NBPF20: variants seen among roughly 807,000 people sequenced by gnomAD.
The protein encoded by NBPF20 is NBPF family member NBPF20.
Under a neutral mutation model 68.1 loss-of-function variants are expected in NBPF20, and 90 were observed. The observed-to-expected ratio is 1.32, with a 90% CI of 1.11 to 1.58. The LOEUF (loss-of-function observed/expected upper bound fraction) is 1.58. Among genes scored for constraint, NBPF20 ranks in the 40% most tolerant of loss-of-function variants. The pLI, the probability that NBPF20 is intolerant of heterozygous loss-of-function variation, is 0.00. For missense variants in NBPF20, 816 were observed against 601.2 expected, an observed-to-expected ratio of 1.36 and a Z score of -3.74; for synonymous variants, 290 against 228.1, an observed-to-expected ratio of 1.27 and a Z score of -2.45.
chr1:145,292,244 T>A (rs188901679), intron 137 of NBPF20, 137 bp downstream of exon 142: 1 of 656,916 alleles, frequency 1.5e-6, no homozygotes, highest in Non-Finnish European at 2.7e-6. Context: ...TCTACTGCAA[T>A]GAAAACCAAC....
At chr1:145,311,035 A>C (rs1661464032) in intron 113 of NBPF20, among the ~76,000 whole-genome samples, 1 of 86,610 alleles carries the variant, frequency 1.2e-5, no homozygotes, top group Non-Finnish European at 2.2e-5. Context: ...AGAGGGAGGG[A>C]GAGAGAGAGA....
At chr1:145,419,717 C>A in the NBPF20 span, among the ~76,000 whole-genome samples, 6 of 152,106 alleles carry the variant, frequency 3.9e-5, no homozygotes, top group African/African-American at 1.5e-4. Context: ...CCCTTTCTTT[C>A]TCCCCCTCTC....
In NBPF20 at chr1:145,394,974, T is replaced by C. The variant is rs1308765181; in HGVS notation, c.991+4A>G. On this transcript the variant is annotated splice_donor_region_variant and intron_variant, in intron 8 of 137. Transcript: ENST00000369373. ...CTTTATCACCTTCACAGTGTAGTAC[T>C]CACTGCCTATGTCAACAGCCATGCA... 2 of 1,611,884 alleles carry C rather than the reference T, an allele frequency of 1.2e-6. No individual in the cohort carries two copies. The highest frequency in any genetic ancestry group is 4.5e-5 in the East Asian group (2 of 44,896).
chr1:145,291,968 G>A (rs369703623), intron 137 of NBPF20, among the ~76,000 whole-genome samples, 199 bp from the exon 143 acceptor site: 1 of 150,632 alleles, frequency 6.6e-6, no homozygotes, highest in African/African-American at 2.5e-5. Context: ...GAAAGACAGA[G>A]AGAGAGAGAC....
chr1:145,403,568 C>T (rs1553666055), intron 2 of NBPF20, among the ~76,000 whole-genome samples: 25 of 145,452 alleles, frequency 1.7e-4, no homozygotes, highest in African/African-American at 5.0e-4. Flanking sequence ...TCAACCACAA[C>T]GAAGTGGAGT....
At chr1:145,400,620 G>A in intron 5 of NBPF20, 26 bp from the exon 11 acceptor site, 2 of 1,601,838 alleles carry the variant, frequency 1.2e-6, no homozygotes, top group Non-Finnish European at 8.5e-7. Flanking sequence ...GGACAGAGAT[G>A]ACAGAAGATT....
the NBPF20 span, among the ~76,000 whole-genome samples, chr1:145,419,121 CAGGG>C: frequency 1.5e-5 from 1 of 66,628 alleles, no homozygotes; most frequent in Non-Finnish European, 2.7e-5. Flanking sequence ...GGGAGGGAGG[CAGGG>C]AGGAAGGGAG....
the NBPF20 span, among the ~76,000 whole-genome samples, chr1:145,422,565 C>A: frequency 6.6e-6 from 1 of 151,100 alleles, no homozygotes; most frequent in East Asian, 2.0e-4. Flanking sequence ...AACAGACCCA[C>A]ACTAATTTCA....
intron 9 of NBPF20, chr1:145,393,616 T>A (rs1186851638): frequency 5.1e-5 from 39 of 766,416 alleles, no homozygotes; most frequent in Non-Finnish European, 8.1e-5. Flanking sequence ...TAATTTTGCA[T>A]AAAATGTGCT....
At chr1:145,298,400 C>G (rs1444103852) in intron 129 of NBPF20, among the ~76,000 whole-genome samples, 3 of 142,884 alleles carry the variant, frequency 2.1e-5, no homozygotes, top group Admixed American at 6.7e-5. Flanking sequence ...AGAGAGAGAA[C>G]GAGCTCAGTG....
chr1:145,291,418 C>A, exon 138 of NBPF20: 9 of 1,607,548 alleles, frequency 5.6e-6, no homozygotes, highest in South Asian at 1.1e-5. Context: ...TGCCCACTGA[C>A]CCATCCTATG....
chr1:145,406,233 C>T (rs587642639), upstream of NBPF20, among the ~76,000 whole-genome samples: 5 of 151,940 alleles, frequency 3.3e-5, no homozygotes, highest in South Asian at 8.3e-4. Context: ...CGCGCCCGGC[C>T]GACTTCTCTT....
intron 83 of NBPF20, among the ~76,000 whole-genome samples, chr1:145,334,879 G>C (rs1457970793): frequency 1.8e-3 from 254 of 137,608 alleles, no homozygotes; most frequent in Non-Finnish European, 3.0e-3. Context: ...AGCTCAGCGA[G>C]TTGGCCGGGT....
the NBPF20 span, among the ~76,000 whole-genome samples, chr1:145,416,124 T>G: frequency 1.3e-5 from 2 of 149,790 alleles, no homozygotes; most frequent in African/African-American, 4.9e-5. Context: ...GAGAAATAAC[T>G]CCATCTCCAA....
At chr1:145,408,243 T>C (rs1662885183), upstream of NBPF20, 1 of 161,336 alleles carries the variant, frequency 6.2e-6, no homozygotes, top group Non-Finnish European at 1.4e-5. Flanking sequence ...ACACACACCA[T>C]TTTAATTTCA....
the NBPF20 span, among the ~76,000 whole-genome samples, chr1:145,410,753 T>TATATATATACGTATATATATATATAC: frequency 1.4e-5 from 2 of 139,242 alleles, no homozygotes; most frequent in African/African-American, 2.7e-5. Context: ...TATATATACA[T>TATATATATACGTATATATATATATAC]ATATATATAT....
At position 145,393,740 on chromosome 1, in the gene NBPF20, G is replaced by C. The variant is rs1662062772; in HGVS notation, c.1043+144C>G. 5 of 1,513,650 alleles carry C rather than the reference G, an allele frequency of 3.3e-6. No individual in the cohort carries two copies. In the African/African-American group the frequency reaches 6.9e-5, roughly 21 times the overall value. 93.8% of individuals were successfully genotyped at this position (1,513,650 alleles called of 1,614,324 possible). On this transcript the variant is annotated intron_variant, in intron 9 of 137. Coordinates refer to ENST00000369373, the Ensembl canonical transcript of NBPF20. ...TGGAAACCTAAACATGTACTCTAAT[G>C]AGAACCAGAAAGCAATGTAGTAGGC...
chr1:145,403,209 C>T lies in NBPF20; in HGVS notation c.278+7G>A. ...CCCCCCTGCCTGCCACCATGGGGTCCCCTCACCTGAGCTCCTCAGCTTGCT... is the reference window on the plus strand; with the variant it reads ...CCCCCCTGCCTGCCACCATGGGGTCTCCTCACCTGAGCTCCTCAGCTTGCT... On this transcript the variant is annotated splice_region_variant and intron_variant, in intron 3 of 137. Coordinates refer to ENST00000369373, the Ensembl canonical transcript of NBPF20. 4.3e-6 allele frequency: 7 copies of T among 1,612,378 alleles called. No homozygotes were observed. Among genetic ancestry groups the T allele is most frequent in the Non-Finnish European group, 4.2e-6 (5 of 1,179,998 alleles).
chr1:145,393,583 G>C (rs1432590873), intron 9 of NBPF20: 4 of 648,706 alleles, frequency 6.2e-6, no homozygotes, highest in Non-Finnish European at 8.0e-6. Context: ...TGTGAACAGT[G>C]ATCATGAAAA....
Sources: gnomAD v4.1 joint callset for allele counts (sites outside exome capture counted in the v4.1 genomes callset) on GRCh38, gnomAD v4.1.1 for gene constraint, MANE v1.5 for transcripts, NCBI Gene and HGNC (gene_info 2026-07-23, HGNC 2026-07-21) for gene names.